NRDE2: variants seen among roughly 807,000 people sequenced by gnomAD.
NRDE2 encodes NRDE-2, necessary for RNA interference, domain containing, also known as nuclear exosome regulator NRDE2.
NRDE2 carries 76 observed loss-of-function variants against 124.2 expected under a neutral mutation model. That is an observed-to-expected ratio of 0.61 (90% confidence interval 0.51 to 0.74). NRDE2 has a LOEUF of 0.74. NRDE2 is among the 30% of genes least tolerant of loss of function. NRDE2 has a pLI of 0.00. For missense variants in NRDE2, 1,314 were observed against 1,417.3 expected, an observed-to-expected ratio of 0.93 and a Z score of 1.17; for synonymous variants, 489 against 528.1, an observed-to-expected ratio of 0.93 and a Z score of 1.01.
chr14:90,308,187 T>C (rs758766303), intron 4 of NRDE2, among the ~76,000 whole-genome samples: 3 of 152,196 alleles, frequency 2.0e-5, no homozygotes, highest in Non-Finnish European at 2.9e-5. Context: ...GAAATAACAA[T>C]CTATTCCAAA....
At chr14:90,310,740 G>T (rs1211117926) in intron 4 of NRDE2, among the ~76,000 whole-genome samples, 1 of 152,050 alleles carries the variant, frequency 6.6e-6, no homozygotes, top group Non-Finnish European at 1.5e-5. Context: ...GGCTGGTCTT[G>T]AACTCCTGAC....
intron 12 of NRDE2, 55 bp from the exon 13 acceptor site, chr14:90,279,188 GC>G: frequency 7.2e-7 from 1 of 1,394,586 alleles, no homozygotes; most frequent in Non-Finnish European, 1.0e-6. Flanking sequence ...AGAGGCTAAG[GC>G]TACACAAACG....
chr14:90,277,112 T>G lies in NRDE2; in HGVS notation c.*1224A>C, dbSNP rs1307855364. 1 of 152,198 alleles carries G rather than the reference T, an allele frequency of 6.6e-6. No individual in the cohort carries two copies. Among genetic ancestry groups the G allele is most frequent in the Non-Finnish European group, 1.5e-5 (1 of 68,076 alleles). The allele number at this position is 152,198 out of a possible 1,614,324, so 9.4% of individuals were successfully genotyped here. The stretch of plus-strand genomic sequence containing the variant: ...CTGTCTGTCGCTAAGGAACACCCGG[T>G]GGGCTTCTGCCTACAGCCACCTGTA... On this transcript the variant is annotated 3_prime_UTR_variant, in exon 14 of 14. Transcript: ENST00000354366.
intron 12 of NRDE2, chr14:90,279,406 C>G (rs1326581789): frequency 2.7e-6 from 1 of 370,276 alleles, no homozygotes; most frequent in African/African-American, 2.1e-5. Flanking sequence ...CAGATCTCCT[C>G]CTTTGCTGTA....
At chr14:90,319,159 A>G (rs912217814) in intron 1 of NRDE2, among the ~76,000 whole-genome samples, 18 of 152,174 alleles carry the variant, frequency 1.2e-4, no homozygotes, top group Admixed American at 3.9e-4. Context: ...AAGGGAAGAA[A>G]AAAAACATGG....
Position 90,301,298 on chromosome 14 carries a change from T to C in NRDE2, c.1486A>G (p.Met496Val), listed in dbSNP as rs199759819. 6.8e-6 allele frequency: 11 copies of C among 1,613,764 alleles called. No homozygotes were observed. Among genetic ancestry groups the C allele is most frequent in the South Asian group, 5.5e-5 (5 of 91,066 alleles). ...SEKAISLFQA[M>V]VDFTFFKPDS... ...GGTTTGAAGAAGGTGAAGTCCACCA[T>C]GGCCTGGAACAATGAGATGGCCTTC... The change falls in exon 7 of 14, where the codon ATG becomes GTG. Residue 496 changes from methionine (M) to valine (V), a missense_variant. Met to Val is a conservative substitution (Grantham distance 21). Transcript: ENST00000354366.
At chr14:90,298,164 A>C (rs893695541) in intron 8 of NRDE2, 96 bp downstream of exon 8, 1 of 1,279,800 alleles carries the variant, frequency 7.8e-7, no homozygotes, top group African/African-American at 1.5e-5. Context: ...TTCTGAAGCT[A>C]CTGATAAATA....
intron 1 of NRDE2, among the ~76,000 whole-genome samples, chr14:90,324,217 G>C (rs1443486275): frequency 1.3e-5 from 2 of 152,094 alleles, no homozygotes; most frequent in Non-Finnish European, 2.9e-5. Flanking sequence ...TTGGGACTGA[G>C]GGGAAATGGG....
In NRDE2 at chr14:90,286,485, C is replaced by T. The variant is rs201924235; in HGVS notation, c.3166G>A (p.Gly1056Ser). ...RLVETVQRLD[G>S]REIHATIPET... ...GGAATTGTGGCGTGGATCTCTCTAC[C>T]GTCTAACCTGCAAGGCAAAGGCTCA... is the stretch of plus-strand genomic sequence containing the variant. The change falls in exon 12 of 14, where the codon GGT becomes AGT. Residue 1056 changes from glycine (G) to serine (S), a missense_variant. Gly to Ser is a moderately conservative substitution (Grantham distance 56). Coordinates refer to ENST00000354366, the MANE Select transcript of NRDE2 (RefSeq NM_017970.4). The T allele has an allele frequency of 2.1e-5, 34 of 1,611,088 alleles. No homozygotes were observed. In the Admixed American group the frequency reaches 2.4e-4, roughly 11 times the overall value.
At position 90,288,227 on chromosome 14, in the gene NRDE2, T is replaced by G; in HGVS notation, c.3148A>C (p.Thr1050Pro). The G allele has an allele frequency of 6.2e-7, 1 of 1,613,668 alleles. No individual in the cohort carries two copies. Among genetic ancestry groups the G allele is most frequent in the East Asian group, 2.2e-5 (1 of 44,874 alleles). ...ACGGTCTGGAATTACCTCTGGACAG[T>G]TTCCACCAGTCTCTTCCTCAGTTTC... ...AEKLRKRLVE[T>P]VQRLDGREIH... Residue 1050 changes from threonine (T) to proline (P), a missense_variant, in exon 11 of 14, where the codon ACT becomes CCT. By Grantham distance (38) the Thr-to-Pro change is conservative. Coordinates refer to ENST00000354366, the MANE Select transcript of NRDE2 (RefSeq NM_017970.4).
intron 1 of NRDE2, among the ~76,000 whole-genome samples, chr14:90,329,048 T>C (rs1462383241): frequency 6.6e-6 from 1 of 152,212 alleles, no homozygotes; most frequent in Non-Finnish European, 1.5e-5. Context: ...TGATGCTGTG[T>C]TTATATTTTT....
rs759258081 is a variant in NRDE2, at chr14:90,270,169, T to C, written c.*8167A>G. 3.7e-6 allele frequency: 6 copies of C among 1,609,156 alleles called. No individual in the cohort carries two copies. The East Asian group carries it at 1.3e-4, about 36-fold the overall frequency. ...GGCCGAGCCTGGGTTTGGATGTTGGTGTGACTTCAAATCTCTTTGTACCTG... is the reference window on the plus strand; with the variant it reads ...GGCCGAGCCTGGGTTTGGATGTTGGCGTGACTTCAAATCTCTTTGTACCTG... On this transcript the variant is annotated 3_prime_UTR_variant, in exon 14 of 14. Coordinates refer to ENST00000354366, the MANE Select transcript of NRDE2 (RefSeq NM_017970.4).
In NRDE2 at chr14:90,318,012, G is replaced by A; in HGVS notation, c.166C>T (p.Leu56=). Residue 56 remains leucine, a synonymous_variant, in exon 2 of 14, where the codon CTG becomes TTG. Coordinates refer to ENST00000354366, the MANE Select transcript of NRDE2 (RefSeq NM_017970.4). ...CTGTCAAACAAAAACTACCTTGTCA[G>A]CGGTAACCCTTCAGAAACATGGGCT... ...APAHVSEGLP[L]TRSHLKSESS... is the part of the protein sequence containing the mutation. 1 of 1,613,624 alleles carries A rather than the reference G, an allele frequency of 6.2e-7. No homozygotes were observed. Among genetic ancestry groups the A allele is most frequent in the Non-Finnish European group, 8.5e-7 (1 of 1,179,674 alleles).
intron 4 of NRDE2, among the ~76,000 whole-genome samples, chr14:90,310,243 C>T (rs1178759514): frequency 2.6e-5 from 4 of 152,176 alleles, no homozygotes; most frequent in South Asian, 2.1e-4. Context: ...CTACCACACA[C>T]CCTGTCTCAT....
intron 1 of NRDE2, among the ~76,000 whole-genome samples, chr14:90,318,676 T>C (rs1365458607): frequency 6.6e-6 from 1 of 152,158 alleles, no homozygotes; most frequent in Non-Finnish European, 1.5e-5. Context: ...AGCACACGCC[T>C]GTAATCCCAG....
Position 90,274,839 on chromosome 14 carries a change from C to CACACACACACACACACA in NRDE2, c.*3496_*3497insTGTGTGTGTGTGTGTGT, listed in dbSNP as rs1566678175. ...ACACACACACACACACACACACACA[C>CACACACACACACACACA]CCCAATACATATGAATTGATCTGAA... On this transcript the variant is annotated 3_prime_UTR_variant, in exon 14 of 14. Transcript: ENST00000354366. The CACACACACACACACACA allele has an allele frequency of 1.6e-5, 2 of 121,402 alleles. No individual in the cohort carries two copies. Among genetic ancestry groups the CACACACACACACACACA allele is most frequent in the African/African-American group, 6.0e-5 (2 of 33,248 alleles). 7.5% of individuals were successfully genotyped at this position (121,402 alleles called of 1,614,324 possible). A position where few individuals can be genotyped will look rare whatever the true frequency, so the allele number is the denominator to read the frequency against.
chr14:90,304,423 T>C (rs767893747), intron 4 of NRDE2, 41 bp from the exon 5 acceptor site: 4 of 1,435,796 alleles, frequency 2.8e-6, no homozygotes, highest in Non-Finnish European at 3.8e-6. Context: ...AGGGAATACG[T>C]GTACTACCTC....
At position 90,304,201 on chromosome 14, in the gene NRDE2, A is replaced by C. The variant is rs922562824; in HGVS notation, c.739T>G (p.Ser247Ala). 6 of 1,614,022 alleles carry C rather than the reference A, an allele frequency of 3.7e-6. No homozygotes were observed. The highest frequency in any genetic ancestry group is 1.7e-5 in the Admixed American group (1 of 60,004). ...VAISSKTEPP[S>A]SEPISFIPVK... is the part of the protein sequence containing the mutation. ...GGTATAAAGGAGATGGGCTCAGATGAGGGAGGTTCAGTTTTACTGCTAATG... is the reference window on the plus strand; with the variant it reads ...GGTATAAAGGAGATGGGCTCAGATGCGGGAGGTTCAGTTTTACTGCTAATG... Residue 247 changes from serine (S) to alanine (A), a missense_variant, in exon 5 of 14, where the codon TCA becomes GCA. Ser to Ala is a moderately conservative substitution (Grantham distance 99, BLOSUM62 1). Transcript: ENST00000354366.
chr14:90,330,395 T>C (rs1356032813), intron 1 of NRDE2, among the ~76,000 whole-genome samples: 2 of 152,150 alleles, frequency 1.3e-5, no homozygotes, highest in East Asian at 3.8e-4. Flanking sequence ...GAACACCTAT[T>C]ATACTTTGGA....
Sources: allele counts gnomAD v4.1 joint callset (sites outside exome capture counted in the v4.1 genomes callset), GRCh38; gene constraint gnomAD v4.1.1; transcripts MANE v1.5; gene names NCBI Gene and HGNC (gene_info 2026-07-23, HGNC 2026-07-21).